Variants in ATRNL1 observed in about 807,000 individuals in gnomAD.
The protein encoded by ATRNL1 is attractin like 1.
In ATRNL1, 95 loss-of-function variants were observed where a neutral mutation model predicts 182.7. The ratio of observed to expected loss-of-function variants is 0.52; its 90% CI spans 0.44 to 0.62. ATRNL1 has a LOEUF of 0.62. ATRNL1 is among the 20% of genes least tolerant of loss of function. The pLI, the probability that ATRNL1 is intolerant of heterozygous loss-of-function variation, is 0.00. For missense variants in ATRNL1, 1,471 were observed against 1,679.5 expected, an observed-to-expected ratio of 0.88 and a Z score of 2.17; for synonymous variants, 576 against 568.3, an observed-to-expected ratio of 1.01 and a Z score of -0.19.
At chr10:115,403,586 G>A (rs1471327883) in intron 20 of ATRNL1, among the ~76,000 whole-genome samples, 1 of 125,496 alleles carries the variant, frequency 8.0e-6, no homozygotes, top group Non-Finnish European at 1.7e-5. Flanking sequence ...CTCCTGAGTA[G>A]CTGGACTACA....
At chr10:115,410,074 C>A (rs1735121664) in intron 20 of ATRNL1, among the ~76,000 whole-genome samples, 1 of 152,066 alleles carries the variant, frequency 6.6e-6, no homozygotes, top group African/African-American at 2.4e-5. Flanking sequence ...CAGGGATAAA[C>A]CCCACTTGAT....
intron 26 of ATRNL1, among the ~76,000 whole-genome samples, chr10:115,676,828 G>T (rs12245229): frequency 6.6e-6 from 1 of 152,026 alleles, no homozygotes; most frequent in South Asian, 2.1e-4. Context: ...CTTACAGCAT[G>T]TGCTGAATGG....
At chr10:115,094,114 C>T (rs1424709598) in intron 1 of ATRNL1, 71 bp downstream of exon 1, 13 of 1,282,982 alleles carry the variant, frequency 1.0e-5, no homozygotes, top group African/African-American at 1.6e-5. Context: ...CCGCCCCCCT[C>T]GCGGCCTCCC....
At chr10:115,196,749 T>C (rs782047025) in intron 8 of ATRNL1, among the ~76,000 whole-genome samples, 30 of 152,130 alleles carry the variant, frequency 2.0e-4, no homozygotes, top group Non-Finnish European at 4.1e-4. Flanking sequence ...TTTTCAAATA[T>C]GGGTTTGGTC....
At chr10:115,611,913 T>C (rs1555019104) in intron 26 of ATRNL1, among the ~76,000 whole-genome samples, 1 of 152,054 alleles carries the variant, frequency 6.6e-6, no homozygotes, top group African/African-American at 2.4e-5. Context: ...GAGATAGTCA[T>C]TACAAGGCCA....
intron 26 of ATRNL1, among the ~76,000 whole-genome samples, chr10:115,575,674 G>T (rs1405363910): frequency 1.3e-5 from 2 of 151,816 alleles, no homozygotes; most frequent in African/African-American, 4.8e-5. Flanking sequence ...ATGTGTTTAA[G>T]GTGTGCAAGA....
intron 28 of ATRNL1, among the ~76,000 whole-genome samples, chr10:115,874,823 C>T (rs1951665097): frequency 6.6e-6 from 1 of 152,108 alleles, no homozygotes; most frequent in Non-Finnish European, 1.5e-5. Context: ...ATCGAAAATG[C>T]CAGGAAGGCC....
intron 27 of ATRNL1, among the ~76,000 whole-genome samples, chr10:115,802,576 A>T (rs1046647867): frequency 6.6e-6 from 1 of 152,250 alleles, no homozygotes; most frequent in Non-Finnish European, 1.5e-5. Context: ...GACACCTAAA[A>T]TTCACTTTAA....
At chr10:115,119,492 G>T (rs1844634769) in intron 1 of ATRNL1, among the ~76,000 whole-genome samples, 1 of 151,584 alleles carries the variant, frequency 6.6e-6, no homozygotes, top group Non-Finnish European at 1.5e-5. Context: ...AATTGGGCTG[G>T]AAGTAAAAAA....
At chr10:115,538,161 C>CAT (rs1852149499) in intron 25 of ATRNL1, among the ~76,000 whole-genome samples, 1 of 152,176 alleles carries the variant, frequency 6.6e-6, no homozygotes, top group Non-Finnish European at 1.5e-5. Context: ...CTGTGATCAA[C>CAT]ATACATACAA....
chr10:115,539,018 T>C (rs1346745455), intron 25 of ATRNL1, among the ~76,000 whole-genome samples: 1 of 152,234 alleles, frequency 6.6e-6, no homozygotes, highest in East Asian at 1.9e-4. Context: ...ATGGCTTTCA[T>C]GTGTAGTAGG....
chr10:115,823,739 C>A (rs551444387), intron 27 of ATRNL1, among the ~76,000 whole-genome samples: 1 of 152,160 alleles, frequency 6.6e-6, no homozygotes, highest in Non-Finnish European at 1.5e-5. Flanking sequence ...AGGACCTCTT[C>A]AAGGAGAACG....
chr10:115,518,636 A>T (rs1850757212), intron 24 of ATRNL1, among the ~76,000 whole-genome samples: 1 of 151,932 alleles, frequency 6.6e-6, no homozygotes, highest in African/African-American at 2.4e-5. Context: ...CTAGTAATTG[A>T]AAAACCACAT....
At chr10:115,703,577 T>C (rs1203988337) in intron 26 of ATRNL1, among the ~76,000 whole-genome samples, 1 of 151,718 alleles carries the variant, frequency 6.6e-6, no homozygotes, top group African/African-American at 2.4e-5. Flanking sequence ...AACATTCTGG[T>C]TTTTAGGTTG....
At chr10:115,230,578 T>C (rs1233547170) in intron 9 of ATRNL1, among the ~76,000 whole-genome samples, 1 of 152,110 alleles carries the variant, frequency 6.6e-6, no homozygotes, top group African/African-American at 2.4e-5. Flanking sequence ...ATTATAGAGC[T>C]TTTACTTTGG....
chr10:115,448,563 A>T (rs1344306173), intron 21 of ATRNL1, among the ~76,000 whole-genome samples: 2 of 152,192 alleles, frequency 1.3e-5, no homozygotes, highest in African/African-American at 4.8e-5. Context: ...TGCCCACATC[A>T]AAAAGTTAGA....
intron 26 of ATRNL1, among the ~76,000 whole-genome samples, chr10:115,687,827 C>A (rs1174719734): frequency 6.6e-6 from 1 of 152,000 alleles, no homozygotes; most frequent in Non-Finnish European, 1.5e-5. Context: ...TTCAAGTTCT[C>A]TCTTGTACTT....
rs1948381935 is a variant in ATRNL1, at chr10:115,749,334, T to A, written c.3903+21979T>A. On this transcript the variant is annotated intron_variant, in intron 27 of 28. Transcript: ENST00000355044. ...AACTCACTAATTCTTTTTATTCTTG[T>A]TCATTCCTTTTTGTCCTGTTAATCG... is the stretch of plus-strand genomic sequence containing the variant. 2.0e-5 allele frequency among the ~76,000 whole-genome samples: 3 copies of A among 151,964 alleles called. No homozygotes were observed. In the South Asian group the frequency reaches 6.2e-4, roughly 31 times the overall value.
At chr10:115,726,776 C>A (rs536852468) in intron 26 of ATRNL1, among the ~76,000 whole-genome samples, 9 of 152,222 alleles carry the variant, frequency 5.9e-5, no homozygotes, top group Non-Finnish European at 1.2e-4. Flanking sequence ...AAAACTTAGT[C>A]TTGGCAGGTA....
Sources: allele counts gnomAD v4.1 joint callset (sites outside exome capture counted in the v4.1 genomes callset), GRCh38; gene constraint gnomAD v4.1.1; transcripts MANE v1.5; gene names NCBI Gene and HGNC (gene_info 2026-07-23, HGNC 2026-07-21).